Variants in GRM5 observed in about 807,000 individuals in gnomAD.
GRM5 encodes the protein metabotropic glutamate receptor 5.
GRM5 carries 19 observed loss-of-function variants against 83.1 expected under a neutral mutation model. The ratio of observed to expected loss-of-function variants is 0.23; its 90% confidence interval spans 0.16 to 0.34. GRM5 has a LOEUF of 0.34. Ranked by LOEUF, GRM5 falls within the 10% of genes least tolerant of loss-of-function variation. The pLI, the probability that GRM5 is intolerant of heterozygous loss-of-function variation, is 1.00. For missense variants in GRM5, 1,160 were observed against 1,588.3 expected, an observed-to-expected ratio of 0.73 and a Z score of 4.58; for synonymous variants, 675 against 633.6, an observed-to-expected ratio of 1.07 and a Z score of -0.98.
intron 8 of GRM5, among the ~76,000 whole-genome samples, chr11:88,564,385 T>C (rs1462087458): frequency 1.3e-5 from 2 of 152,244 alleles, no homozygotes; most frequent in African/African-American, 4.8e-5. Flanking sequence ...AATTTGTTGC[T>C]TTTGTTTGTC....
At chr11:88,625,421 A>T (rs1938765373) in intron 4 of GRM5, among the ~76,000 whole-genome samples, 2 of 152,178 alleles carry the variant, frequency 1.3e-5, no homozygotes, top group Admixed American at 1.3e-4. Context: ...CCAAATTATT[A>T]TACAAAGAGT....
intron 7 of GRM5, among the ~76,000 whole-genome samples, chr11:88,580,901 G>A (rs1943203237): frequency 6.6e-6 from 1 of 152,166 alleles, no homozygotes; most frequent in Admixed American, 6.5e-5. Flanking sequence ...AGCACTTTGG[G>A]AGGCTGAGGC....
intron 3 of GRM5, among the ~76,000 whole-genome samples, chr11:88,801,770 G>T (rs1943400331): frequency 6.6e-6 from 1 of 151,680 alleles, no homozygotes; most frequent in Admixed American, 6.6e-5. Context: ...TGCTTCAAAG[G>T]CACACATTTC....
chr11:88,730,460 C>A (rs1481292929), intron 3 of GRM5, among the ~76,000 whole-genome samples: 2 of 152,046 alleles, frequency 1.3e-5, no homozygotes, highest in Non-Finnish European at 2.9e-5. Flanking sequence ...GACAGTGTGG[C>A]AATTCCTCAA....
chr11:89,051,196 C>T (rs1941752843), intron 1 of GRM5, among the ~76,000 whole-genome samples: 1 of 151,872 alleles, frequency 6.6e-6, no homozygotes, highest in Non-Finnish European at 1.5e-5. Flanking sequence ...GCAGGGCTTG[C>T]AGTGAGTGGA....
intron 3 of GRM5, among the ~76,000 whole-genome samples, chr11:88,674,463 A>C (rs1010832673): frequency 4.4e-4 from 67 of 151,932 alleles, no homozygotes; most frequent in Non-Finnish European, 2.7e-4. Flanking sequence ...TAAAATATTC[A>C]ACACCTACTA....
chr11:88,956,705 C>A (rs1938627159), intron 2 of GRM5, among the ~76,000 whole-genome samples: 1 of 152,174 alleles, frequency 6.6e-6, no homozygotes, highest in Non-Finnish European at 1.5e-5. Flanking sequence ...CCTCGAGAGG[C>A]TGAGGCAGGA....
At chr11:88,773,869 T>A (rs1942791111) in intron 3 of GRM5, among the ~76,000 whole-genome samples, 1 of 152,228 alleles carries the variant, frequency 6.6e-6, no homozygotes, top group Non-Finnish European at 1.5e-5. Flanking sequence ...GTAATATACT[T>A]TGAAGTCAGG....
At chr11:88,626,683 A>T (rs1185741453) in intron 4 of GRM5, among the ~76,000 whole-genome samples, 1 of 152,182 alleles carries the variant, frequency 6.6e-6, no homozygotes, top group African/African-American at 2.4e-5. Flanking sequence ...AGAAACTCTA[A>T]TTCCTAGTGT....
rs192834846 is a variant in GRM5 at position 89,017,417 on chromosome 11, G to C, written c.661+29795C>G. Among the ~76,000 whole-genome samples the C allele has an allele frequency of 9.2e-5, 14 of 152,198 alleles. No homozygotes were observed. The East Asian group carries it at 1.9e-3, about 21-fold the overall frequency. On this transcript the variant is annotated intron_variant, in intron 2 of 9. Transcript: ENST00000305447. ...GCATAATGTACAGAAATTGAAAGCT[G>C]GCCTTCAGCACACCTCCTCCTTCCA...
chr11:89,060,643 C>A (rs1941972962), intron 1 of GRM5, among the ~76,000 whole-genome samples: 1 of 152,016 alleles, frequency 6.6e-6, no homozygotes, highest in African/African-American at 2.4e-5. Flanking sequence ...GATGGCCCTT[C>A]TGACAAAAGT....
intron 2 of GRM5, among the ~76,000 whole-genome samples, chr11:88,862,328 T>C (rs12807940): frequency 6.6e-6 from 1 of 152,136 alleles, no homozygotes; most frequent in Non-Finnish European, 1.5e-5. Context: ...TCCTACATTG[T>C]TTTGTTATAT....
intron 8 of GRM5, among the ~76,000 whole-genome samples, chr11:88,544,411 T>C (rs1291293406): frequency 6.6e-6 from 1 of 152,216 alleles, no homozygotes; most frequent in Non-Finnish European, 1.5e-5. Flanking sequence ...TTTAGACTTT[T>C]CTACTCCTTG....
intron 3 of GRM5, among the ~76,000 whole-genome samples, chr11:88,742,845 C>A (rs1591481729): frequency 6.6e-6 from 1 of 152,040 alleles, no homozygotes; most frequent in Non-Finnish European, 1.5e-5. Flanking sequence ...TACAGAACTG[C>A]TTCTACAGAG....
intron 3 of GRM5, among the ~76,000 whole-genome samples, chr11:88,783,986 C>T (rs576210333): frequency 2.8e-4 from 43 of 152,152 alleles, no homozygotes; most frequent in African/African-American, 9.1e-4. Flanking sequence ...GTACTGATGA[C>T]AGCCTCATAC....
At chr11:88,622,946 TAG>T (rs1308995717) in intron 4 of GRM5, among the ~76,000 whole-genome samples, 1 of 152,166 alleles carries the variant, frequency 6.6e-6, no homozygotes, top group Non-Finnish European at 1.5e-5. Context: ...AGGACACTAA[TAG>T]TAATTATGTC....
chr11:88,894,681 C>T (rs1945202551), intron 2 of GRM5, among the ~76,000 whole-genome samples: 1 of 151,470 alleles, frequency 6.6e-6, no homozygotes, highest in African/African-American at 2.4e-5. Flanking sequence ...TGTTTGTGTT[C>T]TCCTCAAAAA....
chr11:88,961,476 T>C (rs1038471222), intron 2 of GRM5, among the ~76,000 whole-genome samples: 7 of 152,170 alleles, frequency 4.6e-5, no homozygotes, highest in African/African-American at 1.7e-4. Flanking sequence ...TGTCTGTCCT[T>C]GGGCCATTCA....
chr11:88,758,556 AG>A (rs1240751247), intron 3 of GRM5, among the ~76,000 whole-genome samples: 3 of 152,326 alleles, frequency 2.0e-5, no homozygotes, highest in East Asian at 3.9e-4. Context: ...AAAAATAAAA[AG>A]GAACAAACAA....
Sources: gnomAD v4.1 joint callset for allele counts (sites outside exome capture counted in the v4.1 genomes callset) on GRCh38, gnomAD v4.1.1 for gene constraint, MANE v1.5 for transcripts, NCBI Gene and HGNC (gene_info 2026-07-23, HGNC 2026-07-21) for gene names.